Variants in MICAL3 observed in about 807,000 individuals in gnomAD.
MICAL3 encodes [F-actin]-monooxygenase MICAL3.
A neutral mutation model predicts 207.4 loss-of-function variants in MICAL3; 62 were observed. The ratio of observed to expected loss-of-function variants is 0.30; its 90% CI spans 0.24 to 0.37. The LOEUF (loss-of-function observed/expected upper bound fraction) is 0.37. Ranked by LOEUF, MICAL3 falls within the 10% of genes least tolerant of loss-of-function variation. MICAL3 has a pLI of 1.00. For synonymous variants in MICAL3, 1,077 were observed against 1,069.3 expected, an observed-to-expected ratio of 1.01 and a Z score of -0.14; for missense variants, 2,368 against 2,635.6, an observed-to-expected ratio of 0.90 and a Z score of 2.22.
chr22:17,982,530 G>C (rs1319419628), intron 1 of MICAL3, among the ~76,000 whole-genome samples: 1 of 152,076 alleles, frequency 6.6e-6, no homozygotes, highest in African/African-American at 2.4e-5. Context: ...AATTAGGCAG[G>C]CGCAGTGTCA....
chr22:17,847,375 T>G (rs1176854252), intron 19 of MICAL3, among the ~76,000 whole-genome samples: 2 of 152,254 alleles, frequency 1.3e-5, no homozygotes, highest in Non-Finnish European at 2.9e-5. Flanking sequence ...GTACACAGAC[T>G]GATTCCCATC....
intron 13 of MICAL3, among the ~76,000 whole-genome samples, chr22:17,888,777 G>A (rs73386359): frequency 0.06 from 9,095 of 152,232 alleles, 358 homozygotes; most frequent in African/African-American, 0.12. Context: ...TGGTGGTCAC[G>A]GAAAAAGACG....
intron 1 of MICAL3, among the ~76,000 whole-genome samples, chr22:17,917,404 T>A (rs1012916478): frequency 9.9e-5 from 15 of 152,124 alleles, no homozygotes; most frequent in African/African-American, 3.4e-4. Context: ...TTCTGTCACA[T>A]CCCACGGTCC....
chr22:17,864,526 G>A, intron 19 of MICAL3: 1 of 1,435,912 alleles, frequency 7.0e-7, no homozygotes. Flanking sequence ...CGGGTGATGG[G>A]AGCAGTGTCT....
chr22:17,910,589 C>A (rs116969630), intron 1 of MICAL3, among the ~76,000 whole-genome samples: 1 of 152,138 alleles, frequency 6.6e-6, no homozygotes, highest in Non-Finnish European at 1.5e-5. Context: ...TGGAACAATG[C>A]GACCGGCACC....
Position 17,789,397 on chromosome 22 carries a change from G to A in MICAL3, c.*1335C>T, listed in dbSNP as rs879075375. ...TTCTTTAACATATGTGCGGAGGAAG[G>A]TGATGCCCTGGCCCCCAAACTGAGA... is the stretch of plus-strand genomic sequence containing the variant. On this transcript the variant is annotated 3_prime_UTR_variant, in exon 32 of 32. Coordinates refer to ENST00000441493, the MANE Select transcript of MICAL3 (RefSeq NM_015241.3). 6.6e-6 allele frequency: 1 copy of A among 152,270 alleles called. No individual in the cohort carries two copies. Among genetic ancestry groups the A allele is most frequent in the African/African-American group, 2.4e-5 (1 of 41,462 alleles). The allele number at this position is 152,270 out of a possible 1,614,324, so 9.4% of individuals were successfully genotyped here. A position where few individuals can be genotyped will look rare whatever the true frequency, so the allele number is the denominator to read the frequency against.
intron 1 of MICAL3, among the ~76,000 whole-genome samples, chr22:17,985,791 C>T (rs945934610): frequency 1.3e-5 from 2 of 152,136 alleles, no homozygotes; most frequent in African/African-American, 4.8e-5. Context: ...CCACTCGCAT[C>T]TTCACCCTCC....
intron 17 of MICAL3, among the ~76,000 whole-genome samples, chr22:17,868,826 C>T (rs1277762430): frequency 6.6e-6 from 1 of 151,852 alleles, no homozygotes; most frequent in Non-Finnish European, 1.5e-5. Context: ...ACACCGAGAG[C>T]CCCCAGGCAA....
At chr22:17,816,223 C>T (rs1474683707) in intron 27 of MICAL3, among the ~76,000 whole-genome samples, 3 of 152,218 alleles carry the variant, frequency 2.0e-5, no homozygotes, top group Admixed American at 1.3e-4. Context: ...TGGACCAGTC[C>T]TTTAAGACGA....
At chr22:17,872,814 G>A (rs1438670783) in intron 16 of MICAL3, 1 of 1,613,278 alleles carries the variant, frequency 6.2e-7, no homozygotes, top group African/African-American at 1.3e-5. Flanking sequence ...TATCTGCTCA[G>A]CCAATGAGCT....
rs12628864 is a variant in MICAL3 at position 17,940,267 on chromosome 22, C to T, written c.-74-33381G>A. Among the ~76,000 whole-genome samples, 991 of 152,248 alleles carry T rather than the reference C, an allele frequency of 6.5e-3. 49 individuals are homozygous for T. The East Asian group carries it at 0.14, about 22-fold the overall frequency. On this transcript the variant is annotated intron_variant, in intron 1 of 31. Coordinates refer to ENST00000441493, the MANE Select transcript of MICAL3 (RefSeq NM_015241.3). ...TAAAGAGAACTGATCCTGCCAGGTG[C>T]GGTGGCATGCACCTGTAGCCCCAGC...
intron 22 of MICAL3, chr22:17,826,647 G>T: frequency 8.3e-6 from 2 of 241,542 alleles, no homozygotes; most frequent in Non-Finnish European, 1.3e-5. Flanking sequence ...CGCCTGTCTG[G>T]CACCAACAAG....
chr22:17,975,248 G>A (rs1340920428), intron 1 of MICAL3, among the ~76,000 whole-genome samples: 1 of 152,058 alleles, frequency 6.6e-6, no homozygotes, highest in Non-Finnish European at 1.5e-5. Flanking sequence ...CGTGTGATGG[G>A]AAGTGGCTCT....
intron 16 of MICAL3, among the ~76,000 whole-genome samples, chr22:17,874,402 G>A (rs551497262): frequency 2.7e-4 from 41 of 152,238 alleles, no homozygotes; most frequent in South Asian, 8.3e-4. Flanking sequence ...CAGCAGACAC[G>A]GGGCAGTGTG....
At chr22:17,850,286 A>G (rs1925158760) in intron 19 of MICAL3, among the ~76,000 whole-genome samples, 2 of 151,866 alleles carry the variant, frequency 1.3e-5, no homozygotes, top group South Asian at 2.1e-4. Flanking sequence ...TTTCCCAAGC[A>G]TGCCGAGGAC....
chr22:18,022,742 T>C (rs905771073), intron 1 of MICAL3, among the ~76,000 whole-genome samples: 2 of 152,138 alleles, frequency 1.3e-5, no homozygotes, highest in African/African-American at 2.4e-5. Context: ...TCTTCTGCTT[T>C]CTAAGTGTCC....
chr22:17,874,699 C>T (rs895207911), intron 16 of MICAL3, among the ~76,000 whole-genome samples: 13 of 152,186 alleles, frequency 8.5e-5, no homozygotes, highest in African/African-American at 1.7e-4. Flanking sequence ...ATTGCGGGAT[C>T]GATCCCACCG....
intron 1 of MICAL3, among the ~76,000 whole-genome samples, chr22:17,921,180 A>G (rs1181670456): frequency 6.6e-6 from 1 of 152,208 alleles, no homozygotes; most frequent in African/African-American, 2.4e-5. Flanking sequence ...TGACAAAGGC[A>G]TATCTGATTG....
intron 1 of MICAL3, among the ~76,000 whole-genome samples, chr22:17,940,005 C>T (rs1438490718): frequency 3.3e-5 from 5 of 152,170 alleles, no homozygotes; most frequent in Non-Finnish European, 4.4e-5. Flanking sequence ...GCACCACAGC[C>T]GGCAGTCCTG....
Sources: allele counts gnomAD v4.1 joint callset (sites outside exome capture counted in the v4.1 genomes callset), GRCh38; gene constraint gnomAD v4.1.1; transcripts MANE v1.5; gene names NCBI Gene and HGNC (gene_info 2026-07-23, HGNC 2026-07-21).